CBLB: variants seen among roughly 807,000 people sequenced by gnomAD.
The protein encoded by CBLB is Cbl proto-oncogene B, also known as E3 ubiquitin-protein ligase CBL-B.
In CBLB, 31 loss-of-function variants were observed where a neutral mutation model predicts 104.9. The ratio of observed to expected loss-of-function variants is 0.30; its 90% CI spans 0.22 to 0.40. CBLB has a LOEUF of 0.40. CBLB is among the 10% of genes least tolerant of loss of function. The probability of loss-of-function intolerance (pLI) is 1.00; values close to 1 mark genes in which losing one functional copy is unlikely to be tolerated. For synonymous variants in CBLB, 440 were observed against 422.6 expected, an observed-to-expected ratio of 1.04 and a Z score of -0.51; for missense variants, 1,062 against 1,214.6, an observed-to-expected ratio of 0.87 and a Z score of 1.87.
At chr3:105,695,561 A>AC (rs1212836890) in intron 12 of CBLB, among the ~76,000 whole-genome samples, 1 of 151,850 alleles carries the variant, frequency 6.6e-6, no homozygotes, top group Non-Finnish European at 1.5e-5. Context: ...GGAGGGCAAT[A>AC]CCTAAGAAAA....
At position 105,670,242 on chromosome 3, in the gene CBLB, A is replaced by G. The variant is rs2064922726; in HGVS notation, c.2680T>C (p.Ser894Pro). 1 of 1,613,254 alleles carries G rather than the reference A, an allele frequency of 6.2e-7. No homozygotes were observed. The highest frequency in any genetic ancestry group is 8.5e-7 in the Non-Finnish European group (1 of 1,179,352). The change falls in exon 18 of 19, where the codon TCA (serine) becomes CCA (proline). Residue 894 changes from serine (S) to proline (P), a missense_variant. By Grantham distance (74) the Ser-to-Pro change is moderately conservative (BLOSUM62 -1). Transcript: ENST00000394030. ...RTSQDYDQLPSCSDGSQAPAR... is the reference protein window; with the variant it reads ...RTSQDYDQLPPCSDGSQAPAR... ...TTACTAGCCAACTCACCTGAACATG[A>G]AGGAAGCTGATCATAGTCCTGTGAT...
chr3:105,707,189 C>G, intron 10 of CBLB, among the ~76,000 whole-genome samples: 1 of 152,174 alleles, frequency 6.6e-6, no homozygotes, highest in Non-Finnish European at 1.5e-5. Context: ...CTTTTAGATA[C>G]TTCCAGACGA....
At chr3:105,773,828 A>C (rs2079147275) in intron 4 of CBLB, among the ~76,000 whole-genome samples, 1 of 152,218 alleles carries the variant, frequency 6.6e-6, no homozygotes, top group African/African-American at 2.4e-5. Flanking sequence ...AAATATATTC[A>C]TTTGCATAAA....
At chr3:105,861,918 T>C (rs2092127231) in intron 2 of CBLB, among the ~76,000 whole-genome samples, 1 of 152,134 alleles carries the variant, frequency 6.6e-6, no homozygotes, top group South Asian at 2.1e-4. Context: ...CTTCTTAATT[T>C]TTCACCCTGT....
chr3:105,716,554 T>C (rs2071914107), intron 10 of CBLB, among the ~76,000 whole-genome samples: 1 of 152,184 alleles, frequency 6.6e-6, no homozygotes, highest in Admixed American at 6.5e-5. Flanking sequence ...CTTGTATCTA[T>C]ATAAAAATTT....
At chr3:105,696,649 T>C (rs1015183478) in intron 12 of CBLB, among the ~76,000 whole-genome samples, 1 of 151,884 alleles carries the variant, frequency 6.6e-6, no homozygotes, top group Non-Finnish European at 1.5e-5. Context: ...TCTATCACAA[T>C]TGCATTGGAA....
rs867528083 is a variant in CBLB, at chr3:105,737,250, T to C, written c.992A>G (p.Tyr331Cys). ...AGGATTATAACTCCTCCCATCAGGA[T>C]AAAGATAACTGAATTTAAACAGAAA... ...IDGSREGFYL[Y>C]PDGRSYNPDL... The change falls in exon 8 of 19, where the codon TAT (tyrosine) becomes TGT (cysteine). Residue 331 changes from tyrosine (Y) to cysteine (C), a missense_variant. By Grantham distance (194) the Tyr-to-Cys change is radical. Around this residue, in one of 2 missense-constraint regions of CBLB, gnomAD observed 457 missense variants for 632.0 expected, o/e 0.72. Transcript: ENST00000394030. 1 of 1,534,812 alleles carries C rather than the reference T, an allele frequency of 6.5e-7. No individual in the cohort carries two copies. The highest frequency in any genetic ancestry group is 1.7e-4 in the Middle Eastern group (1 of 5,866).
intron 6 of CBLB, 95 bp from the exon 7 acceptor site, chr3:105,740,726 A>G (rs56229187): frequency 1.9e-5 from 21 of 1,088,296 alleles, no homozygotes; most frequent in Non-Finnish European, 2.7e-5. Context: ...AGAATAAACA[A>G]TCATTTAGAA....
At chr3:105,833,780 A>T (rs2087947358) in intron 3 of CBLB, among the ~76,000 whole-genome samples, 1 of 152,010 alleles carries the variant, frequency 6.6e-6, no homozygotes, top group Non-Finnish European at 1.5e-5. Context: ...GAAATCTTGG[A>T]ACAACACAAA....
At chr3:105,712,232 A>C (rs566861623) in intron 10 of CBLB, among the ~76,000 whole-genome samples, 1 of 152,092 alleles carries the variant, frequency 6.6e-6, no homozygotes, top group East Asian at 1.9e-4. Flanking sequence ...TTATATCCTG[A>C]TCCAAATATA....
intron 2 of CBLB, among the ~76,000 whole-genome samples, chr3:105,857,874 G>A (rs903978587): frequency 1.3e-5 from 2 of 152,148 alleles, no homozygotes; most frequent in Admixed American, 6.5e-5. Flanking sequence ...TGCTATGATG[G>A]AGGCAAGTAC....
chr3:105,675,659 G>A (rs2065532236), intron 17 of CBLB, among the ~76,000 whole-genome samples: 3 of 152,012 alleles, frequency 2.0e-5, no homozygotes. Context: ...TGAAGCAGGG[G>A]GATCACATAA....
At chr3:105,737,308 C>T (rs1302690148) in intron 7 of CBLB, 50 bp from the exon 8 acceptor site, 1 of 906,010 alleles carries the variant, frequency 1.1e-6, no homozygotes. Flanking sequence ...GTTTTAATTG[C>T]ATTTAAGGAT....
chr3:105,763,262 C>T lies in CBLB; in HGVS notation c.567-11644G>A, dbSNP rs1436948975. 5.3e-5 allele frequency among the ~76,000 whole-genome samples: 8 copies of T among 152,088 alleles called. No individual in the cohort carries two copies. In the East Asian group the frequency reaches 1.5e-3, roughly 29 times the overall value. ...TGGACTGTGGACTTTTGAGTTAATG[C>T]TGGAATGAGTTAAGACTTTGGGGGA... is the stretch of plus-strand genomic sequence containing the variant. On this transcript the variant is annotated intron_variant, in intron 4 of 18. Coordinates refer to ENST00000394030, the MANE Select transcript of CBLB (RefSeq NM_170662.5).
At chr3:105,832,052 T>C (rs2087617756) in intron 3 of CBLB, among the ~76,000 whole-genome samples, 1 of 152,122 alleles carries the variant, frequency 6.6e-6, no homozygotes, top group African/African-American at 2.4e-5. Context: ...TTATATTAAA[T>C]AGAGCTGGCA....
At chr3:105,705,827 G>C (rs373876220) in intron 10 of CBLB, among the ~76,000 whole-genome samples, 1 of 152,206 alleles carries the variant, frequency 6.6e-6, no homozygotes, top group East Asian at 1.9e-4. Context: ...TGCGTCCTTT[G>C]TAAAGACTTT....
intron 16 of CBLB, chr3:105,681,245 A>G: frequency 1.7e-6 from 1 of 585,486 alleles, no homozygotes; most frequent in African/African-American, 1.9e-5. Flanking sequence ...AGTATGGACA[A>G]AACAACTTGC....
At chr3:105,862,501 C>A (rs1357926935) in intron 2 of CBLB, among the ~76,000 whole-genome samples, 1 of 152,138 alleles carries the variant, frequency 6.6e-6, no homozygotes, top group Non-Finnish European at 1.5e-5. Flanking sequence ...ACATCTGAAC[C>A]AACACTTGCT....
chr3:105,789,085 T>C (rs4894950), intron 3 of CBLB, among the ~76,000 whole-genome samples: 101,983 of 152,042 alleles, frequency 0.67, 35,243 homozygotes, highest in Middle Eastern at 0.8. Context: ...CAAATAATAA[T>C]TGCTGTTAAA....
Sources: gnomAD v4.1 joint callset for allele counts (sites outside exome capture counted in the v4.1 genomes callset) on GRCh38, gnomAD v4.1.1 for gene constraint, gnomAD v4.1.1 regional missense constraint, MANE v1.5 for transcripts, NCBI Gene and HGNC (gene_info 2026-07-23, HGNC 2026-07-21) for gene names.